GPC6: variants seen among roughly 807,000 people sequenced by gnomAD.
GPC6 encodes the protein glypican-6.
A neutral mutation model predicts 55.2 loss-of-function variants in GPC6; 14 were observed. The observed-to-expected ratio is 0.25, with a 90% CI of 0.17 to 0.40. GPC6 has a LOEUF of 0.40. GPC6 is among the 10% of genes least tolerant of loss of function. GPC6 has a pLI of 1.00. For synonymous variants in GPC6, 278 were observed against 259.6 expected (o/e 1.07, Z -0.68); for missense variants, 641 against 708.5 (o/e 0.90, Z 1.08).
In GPC6 at chr13:93,763,079, G is replaced by A. The variant is rs11618114; in HGVS notation, c.320-67075G>A. On this transcript the variant is annotated intron_variant, in intron 2 of 8. Coordinates refer to ENST00000377047, the MANE Select transcript of GPC6 (RefSeq NM_005708.5). ...CAGTCAGTTATTTCCCAAATTCTCC[G>A]TTTTCATGATAGGATAATCAATAAA... Among the ~76,000 whole-genome samples the A allele has an allele frequency of 5.6e-3, 851 of 152,208 alleles. 7 individuals are homozygous for A. The highest frequency in any genetic ancestry group is 9.9e-3 in the Admixed American group (152 of 15,294).
At position 94,151,572 on chromosome 13, in the gene GPC6, G is replaced by A. The variant is rs371033539; in HGVS notation, c.877+123678G>A. Among the ~76,000 whole-genome samples, 27 of 152,232 alleles carry A rather than the reference G, an allele frequency of 1.8e-4. No individual in the cohort carries two copies. The East Asian group carries it at 5.0e-3, about 28-fold the overall frequency. On this transcript the variant is annotated intron_variant, in intron 4 of 8. Coordinates refer to ENST00000377047, the MANE Select transcript of GPC6 (RefSeq NM_005708.5). Reference sequence around the variant, plus strand: ...TGAGCTCAACAGTGTTTTCTCTGGTGTTTGAAAAGCAAAAATAGAAGGATC... The same window carrying A: ...TGAGCTCAACAGTGTTTTCTCTGGTATTTGAAAAGCAAAAATAGAAGGATC...
intron 1 of GPC6, among the ~76,000 whole-genome samples, chr13:93,298,561 A>G (rs1477136088): frequency 6.6e-6 from 1 of 151,802 alleles, no homozygotes; most frequent in East Asian, 1.9e-4. Context: ...CAGCCTCACC[A>G]GTAACTGGGA....
chr13:93,966,426 C>T (rs968702116), intron 3 of GPC6, among the ~76,000 whole-genome samples: 1 of 152,180 alleles, frequency 6.6e-6, no homozygotes, highest in African/African-American at 2.4e-5. Context: ...GGCTACCAGA[C>T]CTCTGCTTTT....
rs1885186034 is a variant in GPC6, at chr13:94,083,681, C to G, written c.877+55787C>G. ...TGTGATTTTGACTCAAGTCCTAGTTCAAGCACATAAGTGTAGATGTTATAT... is the reference window on the plus strand; with the variant it reads ...TGTGATTTTGACTCAAGTCCTAGTTGAAGCACATAAGTGTAGATGTTATAT... On this transcript the variant is annotated intron_variant, in intron 4 of 8. Transcript: ENST00000377047. 4.6e-5 allele frequency among the ~76,000 whole-genome samples: 7 copies of G among 152,078 alleles called. No individual in the cohort carries two copies. In the South Asian group the frequency reaches 1.5e-3, roughly 32 times the overall value.
intron 2 of GPC6, among the ~76,000 whole-genome samples, chr13:93,647,686 A>G (rs1279655627): frequency 6.6e-6 from 1 of 152,190 alleles, no homozygotes; most frequent in Non-Finnish European, 1.5e-5. Context: ...CATAACTGTC[A>G]CGTCAAATCA....
intron 2 of GPC6, among the ~76,000 whole-genome samples, chr13:93,616,697 A>C (rs1878737695): frequency 6.6e-6 from 1 of 152,106 alleles, no homozygotes; most frequent in African/African-American, 2.4e-5. Context: ...TGAAGTAGCA[A>C]GTGTTGCCTT....
chr13:93,830,319 A>G lies in GPC6; in HGVS notation c.485A>G (p.Asn162Ser), dbSNP rs763222689. The G allele has an allele frequency of 6.8e-6, 11 of 1,613,950 alleles. No individual in the cohort carries two copies. The highest frequency in any genetic ancestry group is 6.7e-5 in the Admixed American group (4 of 59,998). ...GGNVNLEEML[N>S]DFWARLLERM... Reference sequence around the variant, plus strand: ...AATGTGAATCTGGAGGAAATGCTCAATGACTTTTGGGCTCGGCTCCTGGAA... The same window carrying G: ...AATGTGAATCTGGAGGAAATGCTCAGTGACTTTTGGGCTCGGCTCCTGGAA... The change falls in exon 3 of 9, where the codon AAT (asparagine) becomes AGT (serine). Residue 162 changes from asparagine to serine, a missense_variant. Coordinates refer to ENST00000377047, the MANE Select transcript of GPC6 (RefSeq NM_005708.5).
chr13:94,313,300 G>T (rs1323548752), intron 6 of GPC6, among the ~76,000 whole-genome samples: 1 of 152,186 alleles, frequency 6.6e-6, no homozygotes, highest in Non-Finnish European at 1.5e-5. Flanking sequence ...ATTCCATGGA[G>T]TGGAAGGATG....
intron 3 of GPC6, among the ~76,000 whole-genome samples, chr13:94,025,006 G>A (rs138721085): frequency 4.3e-4 from 65 of 152,254 alleles, no homozygotes; most frequent in African/African-American, 1.3e-3. Context: ...TATAAAATGC[G>A]TAGCAGTGAA....
In GPC6 at chr13:93,227,352, G is replaced by T; in HGVS notation, c.-105G>T. On this transcript the variant is annotated 5_prime_UTR_variant, in exon 1 of 9. Coordinates refer to ENST00000377047, the MANE Select transcript of GPC6 (RefSeq NM_005708.5). This position sits in a 1 kb window ranked among gnomAD's most constrained non-coding sequence, Gnocchi z 4.3. ...TGGCAGAAGGGGGTGACGCTGGGCA[G>T]CGGCGAGGAGCGCGCCGCTGCCTCT... 8.7e-7 allele frequency: 1 copy of T among 1,144,226 alleles called. No homozygotes were observed. Among genetic ancestry groups the T allele is most frequent in the Non-Finnish European group, 1.3e-6 (1 of 788,060 alleles). 70.9% of individuals were successfully genotyped at this position (1,144,226 alleles called of 1,614,324 possible). A position where few individuals can be genotyped will look rare whatever the true frequency, so the allele number is the denominator to read the frequency against.
chr13:93,911,418 GTGTGT>G (rs1485083690), intron 3 of GPC6, among the ~76,000 whole-genome samples: 1 of 152,066 alleles, frequency 6.6e-6, no homozygotes, highest in African/African-American at 2.4e-5. Context: ...GTGTGTGTGT[GTGTGT>G]GTGTGTGTGT....
chr13:93,607,333 G>A (rs1403546975), intron 2 of GPC6, among the ~76,000 whole-genome samples: 1 of 152,180 alleles, frequency 6.6e-6, no homozygotes, highest in Non-Finnish European at 1.5e-5. Flanking sequence ...TCATATGCCA[G>A]CTGCTTACTG....
At chr13:93,688,182 A>T (rs1453685543) in intron 2 of GPC6, among the ~76,000 whole-genome samples, 1 of 152,072 alleles carries the variant, frequency 6.6e-6, no homozygotes, top group Non-Finnish European at 1.5e-5. Flanking sequence ...AGGAGAGAGG[A>T]TGTATAAGAT....
intron 2 of GPC6, among the ~76,000 whole-genome samples, chr13:93,758,903 C>T (rs1884867403): frequency 6.6e-6 from 1 of 152,148 alleles, no homozygotes; most frequent in African/African-American, 2.4e-5. Context: ...ATCTATCTGA[C>T]TCCTGCATTT....
intron 2 of GPC6, among the ~76,000 whole-genome samples, chr13:93,683,627 T>C (rs973293727): frequency 6.6e-6 from 1 of 152,206 alleles, no homozygotes; most frequent in Admixed American, 6.5e-5. Flanking sequence ...TTGCCTGAAG[T>C]ACAATTTATA....
At chr13:94,272,388 G>C (rs1344715835) in intron 4 of GPC6, among the ~76,000 whole-genome samples, 2 of 150,834 alleles carry the variant, frequency 1.3e-5, no homozygotes, top group African/African-American at 4.9e-5. Flanking sequence ...GAAAAGTTTA[G>C]ACTTTTGTAG....
intron 1 of GPC6, among the ~76,000 whole-genome samples, chr13:93,542,194 T>A (rs892166500): frequency 2.0e-5 from 3 of 152,208 alleles, no homozygotes; most frequent in Non-Finnish European, 4.4e-5. Context: ...TTGAATTAAT[T>A]TTTGTGTAAG....
chr13:93,342,493 T>A (rs1315008630), intron 1 of GPC6, among the ~76,000 whole-genome samples: 1 of 152,038 alleles, frequency 6.6e-6, no homozygotes, highest in Admixed American at 6.6e-5. Flanking sequence ...GAGAACAGCA[T>A]GGGAAAAACC....
rs138275851 is a variant in GPC6, at chr13:93,545,291, A to G, written c.189A>G (p.Glu63=). 8.8e-5 allele frequency: 142 copies of G among 1,613,660 alleles called. 1 individual carries two copies. The African/African-American group carries it at 1.7e-3, about 20-fold the overall frequency. Residue 63 remains glutamate, a synonymous_variant, in exon 2 of 9, where the codon GAA becomes GAG. Coordinates refer to ENST00000377047, the MANE Select transcript of GPC6 (RefSeq NM_005708.5). ...AACACTTAAGAATCTGTCCTCAGGAATATACATGCTGCACCACAGAAATGG... is the reference window on the plus strand; with the variant it reads ...AACACTTAAGAATCTGTCCTCAGGAGTATACATGCTGCACCACAGAAATGG... The part of the protein sequence containing the change: ...AGEHLRICPQ[E]YTCCTTEMED...
Sources: allele counts gnomAD v4.1 joint callset (sites outside exome capture counted in the v4.1 genomes callset), GRCh38; gene constraint gnomAD v4.1.1; non-coding constraint Gnocchi (gnomAD v3.1); transcripts MANE v1.5; gene names NCBI Gene and HGNC (gene_info 2026-07-23, HGNC 2026-07-21).